ACCS: variants seen among roughly 807,000 people sequenced by gnomAD.
The protein encoded by ACCS is 1-aminocyclopropane-1-carboxylate synthase homolog (inactive).
In ACCS, 42 loss-of-function variants were observed where a neutral mutation model predicts 59.8. That is an observed-to-expected ratio of 0.70 (90% confidence interval 0.55 to 0.91). The LOEUF (loss-of-function observed/expected upper bound fraction) is 0.91. Ranked by LOEUF, ACCS falls within the 40% of genes least tolerant of loss-of-function variation. The probability of loss-of-function intolerance (pLI) is 0.00; values close to 1 mark genes in which losing one functional copy is unlikely to be tolerated. For missense variants in ACCS, 602 were observed against 630.4 expected (o/e 0.95, Z 0.48); for synonymous variants, 230 against 240.3 (o/e 0.96, Z 0.40).
chr11:44,067,521 G>A, intron 1 of ACCS, 107 bp from the exon 2 acceptor site: 1 of 1,201,234 alleles, frequency 8.3e-7, no homozygotes, highest in Admixed American at 2.3e-5. Flanking sequence ...TAAACCTAAA[G>A]GAAGGGGCAG....
intron 1 of ACCS, chr11:44,067,078 C>G (rs1273133123): frequency 6.4e-6 from 1 of 155,172 alleles, no homozygotes; most frequent in African/African-American, 2.4e-5. Context: ...GTGTCCACAC[C>G]TCGTTTCTTC....
Position 44,083,492 on chromosome 11 carries a change from G to A in ACCS, c.1323G>A (p.Leu441=), listed in dbSNP as rs139678637. The change falls in exon 14 of 15, where the codon CTG becomes CTA. Residue 441 remains leucine (L), a synonymous_variant. Transcript: ENST00000263776. ...GCCGCTTTTTGGACAACAAGGTGCTGCTGTCCTTTGGCAAGGCCTTCGAGT... is the reference window on the plus strand; with the variant it reads ...GCCGCTTTTTGGACAACAAGGTGCTACTGTCCTTTGGCAAGGCCTTCGAGT... ...LWRRFLDNKV[L]LSFGKAFECK... 1 of 1,614,144 alleles carries A rather than the reference G, an allele frequency of 6.2e-7. No homozygotes were observed. Among genetic ancestry groups the A allele is most frequent in the African/African-American group, 1.3e-5 (1 of 74,940 alleles).
Position 44,083,054 on chromosome 11 carries a change from G to C in ACCS, c.1112-115G>C. 3 of 1,363,106 alleles carry C rather than the reference G, an allele frequency of 2.2e-6. 1 individual carries two copies. The South Asian group carries it at 3.9e-5, about 18-fold the overall frequency. 84.4% of individuals were successfully genotyped at this position (1,363,106 alleles called of 1,614,324 possible). On this transcript the variant is annotated intron_variant, in intron 12 of 14. Coordinates refer to ENST00000263776, the MANE Select transcript of ACCS (RefSeq NM_032592.4). ...CCCACCACAGCAGCCAGCTAGAGGA[G>C]GGACTCAACAGCATCCTGGCAGCTT... is the stretch of plus-strand genomic sequence containing the variant.
chr11:44,068,098 G>T (rs1482141875), intron 2 of ACCS, among the ~76,000 whole-genome samples, 183 bp downstream of exon 2: 2 of 152,124 alleles, frequency 1.3e-5, no homozygotes, highest in Non-Finnish European at 2.9e-5. Flanking sequence ...TCAGGAAATG[G>T]TCCATTTAGA....
rs756731837 is a variant in ACCS at position 44,083,231 on chromosome 11, G to T, written c.1174G>T (p.Val392Phe). 1.2e-5 allele frequency: 19 copies of T among 1,614,232 alleles called. No homozygotes were observed. In the South Asian group the frequency reaches 1.9e-4, roughly 16 times the overall value. Residue 392 changes from valine (V) to phenylalanine (F), a missense_variant, in exon 13 of 15, where the codon GTC becomes TTC. Physicochemically the swap from Val to Phe is conservative, Grantham distance 50. Transcript: ENST00000263776. Reference protein sequence around the residue: ...HARLKAAHTYVSEELRALGIP... With the variant: ...HARLKAAHTYFSEELRALGIP... ...CCGGCTCAAGGCTGCCCACACCTAT[G>T]TCTCAGAAGAGCTTAGGGCATTGGG... is the stretch of plus-strand genomic sequence containing the variant.
rs376307381 is a variant in ACCS at position 44,067,827 on chromosome 11, G to C, written c.200G>C (p.Gly67Ala). ...GATACCTCCTACCTGTCCTCTAGAGGAAGAATGATTAAATGGTTCTGGGAT... is the reference window on the plus strand; with the variant it reads ...GATACCTCCTACCTGTCCTCTAGAGCAAGAATGATTAAATGGTTCTGGGAT... ...SSDTSYLSSR[G>A]RMIKWFWDSA... The change falls in exon 2 of 15, where the codon GGA becomes GCA. Residue 67 changes from glycine (G) to alanine (A), a missense_variant. By Grantham distance (60) the Gly-to-Ala change is moderately conservative (BLOSUM62 0). Transcript: ENST00000263776. 1 of 1,614,086 alleles carries C rather than the reference G, an allele frequency of 6.2e-7. No individual in the cohort carries two copies. Among genetic ancestry groups the C allele is most frequent in the African/African-American group, 1.3e-5 (1 of 75,018 alleles).
chr11:44,067,802 G>A lies in ACCS; in HGVS notation c.175G>A (p.Asp59Asn), dbSNP rs33952257. 0.16 allele frequency: 262,526 copies of A among 1,613,816 alleles called. 26,177 individuals are homozygous for A. Among genetic ancestry groups the A allele is most frequent in the African/African-American group, 0.45 (33,496 of 74,892 alleles). Residue 59 changes from aspartate (D) to asparagine (N), a missense_variant, in exon 2 of 15, where the codon GAT becomes AAT. Coordinates refer to ENST00000263776, the MANE Select transcript of ACCS (RefSeq NM_032592.4). The part of the protein sequence containing the change: ...GVGDPAMISS[D>N]TSYLSSRGRM... ...GGGTGATCCTGCCATGATCTCCTCT[G>A]ATACCTCCTACCTGTCCTCTAGAGG...
At chr11:44,080,533 A>C (rs1953591110) in intron 10 of ACCS, 1 of 163,518 alleles carries the variant, frequency 6.1e-6, no homozygotes, top group Admixed American at 5.7e-5. Context: ...CTGGAGATAC[A>C]ACAGTGAACA....
intron 6 of ACCS, 27 bp from the exon 7 acceptor site, chr11:44,077,252 C>G: frequency 6.2e-7 from 1 of 1,605,612 alleles, no homozygotes; most frequent in Non-Finnish European, 8.5e-7. Context: ...CAGAAAGTGA[C>G]AGGCCCTCGC....
intron 9 of ACCS, chr11:44,079,078 A>G (rs1326204726): frequency 2.3e-6 from 1 of 435,916 alleles, no homozygotes; most frequent in Admixed American, 3.5e-5. Context: ...CAATCCTCAC[A>G]ACAACCCTTT....
At chr11:44,078,558 T>G in intron 8 of ACCS, 126 bp from the exon 9 acceptor site, 2 of 648,380 alleles carry the variant, frequency 3.1e-6, no homozygotes, top group Non-Finnish European at 5.3e-6. Flanking sequence ...GTTTGCTTCA[T>G]GTTGTGTTAT....
chr11:44,074,480 T>TA, intron 4 of ACCS, 132 bp from the exon 5 acceptor site: 2 of 735,320 alleles, frequency 2.7e-6, no homozygotes, highest in Non-Finnish European at 4.9e-6. Context: ...TGGAGACAGA[T>TA]ACACCCACAC....
At chr11:44,074,821 T>C in intron 5 of ACCS, 140 bp downstream of exon 5, 1 of 405,206 alleles carries the variant, frequency 2.5e-6, no homozygotes, top group Middle Eastern at 6.3e-4. Flanking sequence ...TCTTTTTTTT[T>C]TTTTTATTTT....
intron 11 of ACCS, 55 bp from the exon 12 acceptor site, chr11:44,081,124 G>A (rs1953618774): frequency 6.2e-7 from 1 of 1,614,074 alleles, no homozygotes. Flanking sequence ...GAGGTGGGTG[G>A]AACCAGCTTC....
In ACCS at chr11:44,083,776, G is replaced by A. The variant is rs981147568; in HGVS notation, c.1490G>A (p.Ser497Asn). Residue 497 changes from serine to asparagine, a missense_variant, in exon 15 of 15, where the codon AGT (serine) becomes AAT (asparagine). Physicochemically the swap from Ser to Asn is conservative, Grantham distance 46. Transcript: ENST00000263776. ...CGTCCCTCTCAGAGCCAGGAGCCAA[G>A]TGACCAACGCAGGTGAGCTGGTCAT... ...DPRPSQSQEP[S>N]DQRR The A allele has an allele frequency of 3.7e-6, 6 of 1,612,602 alleles. No individual in the cohort carries two copies. The African/African-American group carries it at 5.3e-5, about 14-fold the overall frequency.
In ACCS at chr11:44,077,897, T is replaced by G; in HGVS notation, c.707T>G (p.Met236Arg). ...PFQLTVEKLE[M>R]ALREAHSEGV... The stretch of plus-strand genomic sequence containing the variant: ...CAGCTCACAGTGGAGAAGCTGGAGA[T>G]GGCCCTGAGAGAAGCTCACTCTGAG... Residue 236 changes from methionine to arginine, a missense_variant, in exon 8 of 15, where the codon ATG becomes AGG. Physicochemically the swap from Met to Arg is moderately conservative, Grantham distance 91. Coordinates refer to ENST00000263776, the MANE Select transcript of ACCS (RefSeq NM_032592.4). 1 of 1,614,048 alleles carries G rather than the reference T, an allele frequency of 6.2e-7. No individual in the cohort carries two copies. Among genetic ancestry groups the G allele is most frequent in the Non-Finnish European group, 8.5e-7 (1 of 1,179,980 alleles).
At chr11:44,082,364 A>G (rs1410754098) in intron 12 of ACCS, among the ~76,000 whole-genome samples, 4 of 152,224 alleles carry the variant, frequency 2.6e-5, no homozygotes, top group Non-Finnish European at 4.4e-5. Flanking sequence ...ATAATCACCC[A>G]TAACTGGAAC....
Position 44,083,541 on chromosome 11 carries a change from T to C in ACCS, c.1372T>C (p.Phe458Leu), listed in dbSNP as rs747266703. The change falls in exon 14 of 15, where the codon TTT becomes CTT. Residue 458 changes from phenylalanine (F) to leucine (L), a missense_variant. Coordinates refer to ENST00000263776, the MANE Select transcript of ACCS (RefSeq NM_032592.4). ...FECKEPGWFR[F>L]VFSDQVHRLC... ...GTGTAAAGAGCCTGGTTGGTTTCGC[T>C]TTGTCTTCTCAGACCAGGTCCACCG... 1.2e-6 allele frequency: 2 copies of C among 1,614,266 alleles called. No homozygotes were observed. The highest frequency in any genetic ancestry group is 1.7e-6 in the Non-Finnish European group (2 of 1,180,050).
chr11:44,077,761 G>T, intron 7 of ACCS, 84 bp from the exon 8 acceptor site: 1 of 1,538,830 alleles, frequency 6.5e-7, no homozygotes, highest in East Asian at 2.3e-5. Flanking sequence ...GATTACAGGG[G>T]AGGAGAGGCC....
Sources: allele counts gnomAD v4.1 joint callset (sites outside exome capture counted in the v4.1 genomes callset), GRCh38; gene constraint gnomAD v4.1.1; transcripts MANE v1.5; gene names NCBI Gene and HGNC (gene_info 2026-07-23, HGNC 2026-07-21).